The following DMXL2 variants were observed in gnomAD, a reference collection of about 807,000 sequenced individuals.
DMXL2 encodes the protein Dmx like 2, also known as dmX-like protein 2.
In DMXL2, 103 loss-of-function variants were observed where a neutral mutation model predicts 331.1. The observed-to-expected ratio is 0.31, with a 90% CI of 0.27 to 0.37. DMXL2 has a LOEUF of 0.37. Ranked by LOEUF, DMXL2 falls within the 10% of genes least tolerant of loss-of-function variation. The probability of loss-of-function intolerance (pLI) is 1.00; values close to 1 mark genes in which losing one functional copy is unlikely to be tolerated. For synonymous variants in DMXL2, 1,281 were observed against 1,252.1 expected (o/e 1.02, Z -0.49); for missense variants, 3,171 against 3,642.9 (o/e 0.87, Z 3.33).
chr15:51,612,506 G>A (rs2054037748), intron 1 of DMXL2, among the ~76,000 whole-genome samples: 1 of 152,106 alleles, frequency 6.6e-6, no homozygotes. Flanking sequence ...GGTGTCCGGG[G>A]GAGACATCAC....
intron 1 of DMXL2, among the ~76,000 whole-genome samples, chr15:51,620,161 GTTTTT>G (rs1595788033): frequency 6.6e-6 from 1 of 152,076 alleles, no homozygotes; most frequent in Non-Finnish European, 1.5e-5. Flanking sequence ...AAAGCAGCTT[GTTTTT>G]TGTTTTGTTT....
intron 1 of DMXL2, among the ~76,000 whole-genome samples, chr15:51,577,265 G>T (rs1473852899): frequency 1.3e-5 from 2 of 152,122 alleles, no homozygotes; most frequent in South Asian, 2.1e-4. Flanking sequence ...GCTGACATGT[G>T]ATGACATCTG....
chr15:51,560,921 GTTTATTC>G (rs1265727363), intron 6 of DMXL2, among the ~76,000 whole-genome samples: 1 of 151,362 alleles, frequency 6.6e-6, no homozygotes, highest in Non-Finnish European at 1.5e-5. Context: ...ATGTGTATTT[GTTTATTC>G]TTTATTATAT....
chr15:51,474,253 T>C, intron 28 of DMXL2, 91 bp downstream of exon 28: 2 of 1,302,604 alleles, frequency 1.5e-6, no homozygotes, highest in Non-Finnish European at 2.1e-6. Context: ...TCGCTTATTT[T>C]CAAAGTGAAA....
chr15:51,594,075 C>T (rs1008327292), intron 1 of DMXL2, among the ~76,000 whole-genome samples: 26 of 152,214 alleles, frequency 1.7e-4, no homozygotes, highest in African/African-American at 6.3e-4. Flanking sequence ...CAGAGCAGAA[C>T]TGAAGGAAAT....
chr15:51,463,516 T>C lies in DMXL2; in HGVS notation c.7809-20A>G, dbSNP rs2040304245. 2 of 1,361,686 alleles carry C rather than the reference T, an allele frequency of 1.5e-6. No individual in the cohort carries two copies. Among genetic ancestry groups the C allele is most frequent in the South Asian group, 1.3e-5 (1 of 77,582 alleles). 84.4% of individuals were successfully genotyped at this position (1,361,686 alleles called of 1,614,324 possible). On this transcript the variant is annotated intron_variant, in intron 32 of 43. Coordinates refer to ENST00000560891, the MANE Select transcript of DMXL2 (RefSeq NM_001378457.1). ...CGGGACCTATTAAAAAAAATTAACA[T>C]ATCACACTACTTTAGTCTATAGAAA...
intron 41 of DMXL2, among the ~76,000 whole-genome samples, chr15:51,452,968 T>C (rs543545599): frequency 6.6e-6 from 1 of 152,346 alleles, no homozygotes; most frequent in African/African-American, 2.4e-5. Context: ...GCCATTATTC[T>C]AAGTGAAGTA....
chr15:51,621,950 CCA>C (rs1375155248), intron 1 of DMXL2, among the ~76,000 whole-genome samples: 2 of 152,180 alleles, frequency 1.3e-5, no homozygotes, highest in African/African-American at 4.8e-5. Flanking sequence ...AGGCTTAAAG[CCA>C]CAGACTCCAG....
intron 1 of DMXL2, among the ~76,000 whole-genome samples, chr15:51,583,321 C>T (rs2051606862): frequency 1.1e-5 from 1 of 94,348 alleles, no homozygotes; most frequent in South Asian, 4.2e-4. Context: ...ATTCCCCTTC[C>T]TGTGTCCATG....
intron 9 of DMXL2, among the ~76,000 whole-genome samples, chr15:51,539,278 T>C (rs1286295381): frequency 2.0e-5 from 3 of 151,958 alleles, no homozygotes; most frequent in Admixed American, 6.6e-5. Context: ...ACAGAGACAT[T>C]TGCCACATAT....
Position 51,499,713 on chromosome 15 carries a change from A to T in DMXL2, c.3511T>A (p.Leu1171Met). 1 of 1,614,042 alleles carries T rather than the reference A, an allele frequency of 6.2e-7. No individual in the cohort carries two copies. The highest frequency in any genetic ancestry group is 8.5e-7 in the Non-Finnish European group (1 of 1,180,008). ...LIPNIKHLVH[L>M]DWVSKEDGSH... Reference sequence around the variant, plus strand: ...CCATCTTCTTTTGATACCCAGTCCAAATGTACTAAATGTTTGATATTCGGA... The same window carrying T: ...CCATCTTCTTTTGATACCCAGTCCATATGTACTAAATGTTTGATATTCGGA... The change falls in exon 18 of 44, where the codon TTG becomes ATG. Residue 1171 changes from leucine (L) to methionine (M), a missense_variant. Physicochemically the swap from Leu to Met is conservative, Grantham distance 15 (BLOSUM62 2). Around this residue, in one of 7 missense-constraint regions of DMXL2, gnomAD observed 1,674 missense variants for 1,780.2 expected, o/e 0.94. Transcript: ENST00000560891.
At chr15:51,494,880 G>T (rs1596002768) in intron 19 of DMXL2, 144 bp downstream of exon 19, 3 of 507,826 alleles carry the variant, frequency 5.9e-6, no homozygotes, top group Non-Finnish European at 7.0e-6. Flanking sequence ...ATGGTAAGTG[G>T]GTACTATGTG....
chr15:51,525,198 A>G (rs1343387834), intron 13 of DMXL2, among the ~76,000 whole-genome samples: 1 of 151,838 alleles, frequency 6.6e-6, no homozygotes, highest in Non-Finnish European at 1.5e-5. Context: ...AGGATTCATC[A>G]CCTGCTAACT....
chr15:51,536,064 A>C, intron 12 of DMXL2, 102 bp downstream of exon 12: 3 of 1,092,108 alleles, frequency 2.7e-6, no homozygotes, highest in Non-Finnish European at 3.8e-6. Flanking sequence ...AAAACTGAAT[A>C]CTTATTAAAA....
intron 1 of DMXL2, among the ~76,000 whole-genome samples, chr15:51,586,202 T>C (rs915956978): frequency 6.6e-6 from 1 of 152,306 alleles, no homozygotes; most frequent in South Asian, 2.1e-4. Flanking sequence ...TACGGAAATG[T>C]TGGAAATAAC....
intron 33 of DMXL2, among the ~76,000 whole-genome samples, chr15:51,461,092 A>G (rs2040072200): frequency 6.6e-6 from 1 of 152,208 alleles, no homozygotes; most frequent in East Asian, 1.9e-4. Context: ...AAAAGGGTAC[A>G]TGATAAAAAT....
Position 51,480,116 on chromosome 15 carries a change from C to A in DMXL2, c.6588G>T (p.Gln2196His). ...SQQETTVKQL[Q>H]SPLPLPTTLP... Reference sequence around the variant, plus strand: ...GGGTGGTAGGCAGTGGTAGTGGAGACTGGAGCTGCTTTACTGTAGTTTCCT... The same window carrying A: ...GGGTGGTAGGCAGTGGTAGTGGAGAATGGAGCTGCTTTACTGTAGTTTCCT... The change falls in exon 25 of 44, where the codon CAG (glutamine) becomes CAT (histidine). Residue 2196 changes from glutamine to histidine, a missense_variant. Coordinates refer to ENST00000560891, the MANE Select transcript of DMXL2 (RefSeq NM_001378457.1). 6.4e-7 allele frequency: 1 copy of A among 1,563,016 alleles called. No homozygotes were observed. The highest frequency in any genetic ancestry group is 8.7e-7 in the Non-Finnish European group (1 of 1,146,256).
At chr15:51,622,304 CA>C (rs2054699929) in intron 1 of DMXL2, among the ~76,000 whole-genome samples, 154 bp downstream of exon 1, 1 of 152,218 alleles carries the variant, frequency 6.6e-6, no homozygotes, top group African/African-American at 2.4e-5. Flanking sequence ...CCACGGGTCC[CA>C]GGGGGAACTA....
At chr15:51,456,037 G>A (rs1450640620) in intron 39 of DMXL2, 29 bp downstream of exon 39, 1 of 1,609,558 alleles carries the variant, frequency 6.2e-7, no homozygotes, top group Non-Finnish European at 8.5e-7. Context: ...ATTTTCAGAT[G>A]AATTCAGCAG....
Sources: gnomAD v4.1 joint callset for allele counts (sites outside exome capture counted in the v4.1 genomes callset) on GRCh38, gnomAD v4.1.1 for gene constraint, gnomAD v4.1.1 regional missense constraint, MANE v1.5 for transcripts, NCBI Gene and HGNC (gene_info 2026-07-23, HGNC 2026-07-21) for gene names.